Variants in COL4A6 observed in about 807,000 individuals in gnomAD.
COL4A6 encodes the protein collagen type IV alpha 6 chain.
Under a neutral mutation model 126.7 loss-of-function variants are expected in COL4A6, and 59 were observed. The observed-to-expected ratio is 0.47, with a 90% CI of 0.38 to 0.58. The LOEUF (loss-of-function observed/expected upper bound fraction) is 0.58. Ranked by LOEUF, COL4A6 falls within the 20% of genes least tolerant of loss-of-function variation. COL4A6 has a pLI of 0.00. For missense variants in COL4A6, 1,285 were observed against 1,337.3 expected, an observed-to-expected ratio of 0.96 and a Z score of 0.61; for synonymous variants, 547 against 496.6, an observed-to-expected ratio of 1.10 and a Z score of -1.35.
intron 17 of COL4A6, 55 bp from the exon 18 acceptor site, chrX:108,192,635 C>T: frequency 2.4e-6 from 2 of 850,338 alleles, no homozygotes; most frequent in Non-Finnish European, 3.4e-6. Flanking sequence ...CCCACAGATG[C>T]TACAAAATGC....
chrX:108,331,439 C>G (rs2039297859), intron 2 of COL4A6, among the ~76,000 whole-genome samples: 1 of 112,071 alleles, frequency 8.9e-6, no homozygotes, highest in South Asian at 3.7e-4. Context: ...TGCAGTGTTA[C>G]AGTACTGAAT....
At chrX:108,245,242 G>A (rs180900696) in intron 3 of COL4A6, among the ~76,000 whole-genome samples, 8 of 112,246 alleles carry the variant, frequency 7.1e-5, no homozygotes, top group African/African-American at 1.3e-4. Context: ...TCACCACTCT[G>A]CAGTTTGATC....
At chrX:108,353,875 G>T (rs969962419) in intron 2 of COL4A6, among the ~76,000 whole-genome samples, 1 of 112,410 alleles carries the variant, frequency 8.9e-6, no homozygotes, top group Non-Finnish European at 1.9e-5. Context: ...GATGCTGGCC[G>T]AGCGCTGTGG....
At chrX:108,285,750 A>G (rs897343030) in intron 3 of COL4A6, among the ~76,000 whole-genome samples, 6 of 111,960 alleles carry the variant, frequency 5.4e-5, no homozygotes, top group African/African-American at 1.9e-4. Context: ...GAAGAATGGC[A>G]TCCACTTTGG....
Position 108,194,684 on chromosome X carries a change from G to T in COL4A6, c.949-97C>A, listed in dbSNP as rs756326415. ...CCAGGGCAAATGGCACAGGGATCTT[G>T]GATGACATTGCAGGGTATATGTGGC... On this transcript the variant is annotated intron_variant, in intron 15 of 44. Coordinates refer to ENST00000334504, the MANE Select transcript of COL4A6 (RefSeq NM_033641.4). 85 of 834,399 alleles carry T rather than the reference G, an allele frequency of 1.0e-4. 1 individual carries two copies. Among genetic ancestry groups the T allele is most frequent in the Middle Eastern group, 2.9e-4 (1 of 3,503 alleles). The allele number at this position is 834,399 out of a possible 1,213,427, so 68.8% of individuals were successfully genotyped here.
At chrX:108,378,742 A>G (rs1344026201) in intron 2 of COL4A6, among the ~76,000 whole-genome samples, 1 of 113,233 alleles carries the variant, frequency 8.8e-6, no homozygotes, top group African/African-American at 3.2e-5. Flanking sequence ...GAAGATTATG[A>G]TGCCTTAGGC....
At chrX:108,309,683 T>C (rs2038714249) in intron 3 of COL4A6, among the ~76,000 whole-genome samples, 1 of 110,764 alleles carries the variant, frequency 9.0e-6, no homozygotes, top group Non-Finnish European at 1.9e-5. Context: ...GACCTATTTA[T>C]AGTACTACTT....
intron 3 of COL4A6, among the ~76,000 whole-genome samples, chrX:108,224,098 A>G (rs947872151): frequency 1.7e-4 from 19 of 111,815 alleles, no homozygotes; most frequent in Admixed American, 1.4e-3. Context: ...GGCACCCTCT[A>G]CCTCTGGTCT....
chrX:108,233,710 C>A (rs1229268886), intron 3 of COL4A6, among the ~76,000 whole-genome samples: 2 of 111,907 alleles, frequency 1.8e-5, no homozygotes, highest in Non-Finnish European at 3.8e-5. Context: ...GGCACAAGAG[C>A]CTGCTAAAAT....
chrX:108,413,937 C>T (rs2041380952), intron 2 of COL4A6, among the ~76,000 whole-genome samples: 1 of 112,152 alleles, frequency 8.9e-6, no homozygotes, highest in African/African-American at 3.2e-5. Flanking sequence ...ATTCTCTCCT[C>T]ATGTCATTTG....
intron 2 of COL4A6, among the ~76,000 whole-genome samples, chrX:108,436,334 C>G (rs1424905615): frequency 8.9e-6 from 1 of 112,488 alleles, no homozygotes; most frequent in Non-Finnish European, 1.9e-5. Context: ...TTTGGAGACT[C>G]ATTTCAATAC....
chrX:108,351,173 C>T (rs1043114450), intron 2 of COL4A6, among the ~76,000 whole-genome samples: 1 of 111,072 alleles, frequency 9.0e-6, no homozygotes, highest in Non-Finnish European at 1.9e-5. Context: ...GAATTGTGCC[C>T]TATTGACAGT....
At chrX:108,391,889 A>G (rs1358472093) in intron 2 of COL4A6, among the ~76,000 whole-genome samples, 1 of 112,367 alleles carries the variant, frequency 8.9e-6, no homozygotes, top group Non-Finnish European at 1.9e-5. Flanking sequence ...TCAGTTGGAA[A>G]TGCAGAAATC....
At chrX:108,236,164 T>C (rs2036425356) in intron 3 of COL4A6, among the ~76,000 whole-genome samples, 1 of 111,569 alleles carries the variant, frequency 9.0e-6, no homozygotes, top group African/African-American at 3.3e-5. Flanking sequence ...TAAAGCTGAG[T>C]GGAAAACAAA....
intron 2 of COL4A6, among the ~76,000 whole-genome samples, chrX:108,354,831 TGAGAAGTATCTAG>T (rs745893538): frequency 1.8e-5 from 2 of 110,830 alleles, no homozygotes; most frequent in East Asian, 5.7e-4. Context: ...ATGGTCTCTT[TGAGAAGTATCTAG>T]GGCCTGGGTT....
rs758181213 is a variant in COL4A6, at chrX:108,157,063, C to T, written c.5010G>A (p.Thr1670=). 8.3e-6 allele frequency: 10 copies of T among 1,210,039 alleles called. No homozygotes were observed. Among genetic ancestry groups the T allele is most frequent in the Admixed American group, 2.2e-5 (1 of 45,817 alleles). Reference sequence around the variant, plus strand: ...GAGTGTGGAGCTGCCCAGCTTTCAGCGTTTCAGACACAGGCAACTCCCCAA... The same window carrying T: ...GAGTGTGGAGCTGCCCAGCTTTCAGTGTTTCAGACACAGGCAACTCCCCAA... ...QQFGELPVSE[T]LKAGQLHTRV... Residue 1670 remains threonine, a synonymous_variant, in exon 45 of 45, where the codon ACG becomes ACA. Coordinates refer to ENST00000334504, the MANE Select transcript of COL4A6 (RefSeq NM_033641.4).
chrX:108,212,197 A>C (rs961533081), intron 6 of COL4A6, among the ~76,000 whole-genome samples: 7 of 102,231 alleles, frequency 6.8e-5, no homozygotes, highest in African/African-American at 2.5e-4. Context: ...TCTGTTTTAT[A>C]CTCTTCTTCT....
chrX:108,180,725 T>A, intron 24 of COL4A6, 103 bp from the exon 25 acceptor site: 1 of 774,292 alleles, frequency 1.3e-6, no homozygotes, highest in Non-Finnish European at 1.9e-6. Flanking sequence ...GAGCCTCTCC[T>A]TGTCTCACCT....
chrX:108,223,692 A>G (rs1018422075), intron 3 of COL4A6, among the ~76,000 whole-genome samples: 3 of 111,418 alleles, frequency 2.7e-5, no homozygotes, highest in Non-Finnish European at 5.7e-5. Context: ...TTGGGAGAAG[A>G]GCGGTCTTTC....
Sources: gnomAD v4.1 joint callset for allele counts (sites outside exome capture counted in the v4.1 genomes callset) on GRCh38, gnomAD v4.1.1 for gene constraint, MANE v1.5 for transcripts, NCBI Gene and HGNC (gene_info 2026-07-23, HGNC 2026-07-21) for gene names.